COL26A1: variants seen among roughly 807,000 people sequenced by gnomAD.
COL26A1 encodes the protein collagen alpha-1(XXVI) chain.
A neutral mutation model predicts 59.3 loss-of-function variants in COL26A1; 41 were observed. The ratio of observed to expected loss-of-function variants is 0.69; its 90% CI spans 0.54 to 0.90. The LOEUF (loss-of-function observed/expected upper bound fraction) is 0.90, where lower values mean the gene tolerates loss of function less well. Ranked by LOEUF, COL26A1 falls within the 40% of genes least tolerant of loss-of-function variation. COL26A1 has a pLI of 0.00. For synonymous variants in COL26A1, 266 were observed against 256.0 expected, an observed-to-expected ratio of 1.04 and a Z score of -0.37; for missense variants, 612 against 602.3, an observed-to-expected ratio of 1.02 and a Z score of -0.17.
chr7:101,489,898 C>A (rs1456568260), intron 3 of COL26A1, among the ~76,000 whole-genome samples: 1 of 89,544 alleles, frequency 1.1e-5, no homozygotes, highest in Non-Finnish European at 2.1e-5. Flanking sequence ...TTCTTTCTTT[C>A]TTTCTTTCTT....
chr7:101,486,484 G>T (rs73712171), intron 3 of COL26A1, among the ~76,000 whole-genome samples: 14,222 of 152,270 alleles, frequency 0.093, 1,352 homozygotes, highest in African/African-American at 0.24. Context: ...GCAGCTTTGC[G>T]GTGGCGGGAA....
At chr7:101,450,564 C>A (rs972894923) in intron 3 of COL26A1, among the ~76,000 whole-genome samples, 1 of 151,898 alleles carries the variant, frequency 6.6e-6, no homozygotes, top group African/African-American at 2.4e-5. Context: ...ATACCTCCCA[C>A]GAGCCAAGTG....
intron 2 of COL26A1, among the ~76,000 whole-genome samples, chr7:101,426,721 G>A (rs983895267): frequency 6.6e-6 from 1 of 152,170 alleles, no homozygotes; most frequent in African/African-American, 2.4e-5. Flanking sequence ...GTTTGCAGGG[G>A]AAGGTCCTGC....
At chr7:101,385,339 A>ATATATATATATGTGTATATATATGTGTG (rs1358638511) in intron 1 of COL26A1, among the ~76,000 whole-genome samples, 7 of 141,316 alleles carry the variant, frequency 5.0e-5, no homozygotes, top group Non-Finnish European at 9.1e-5. Flanking sequence ...CTAAATATGT[A>ATATATATATATGTGTATATATATGTGTG]TATATATATA....
In COL26A1 at chr7:101,447,668, G is replaced by A. The variant is rs138703474; in HGVS notation, c.282-16G>A. The A allele has an allele frequency of 3.0e-4, 463 of 1,532,672 alleles. No individual in the cohort carries two copies. In the African/African-American group the frequency reaches 5.5e-3, roughly 18 times the overall value. 94.9% of individuals were successfully genotyped at this position (1,532,672 alleles called of 1,614,324 possible). A position where few individuals can be genotyped will look rare whatever the true frequency, so the allele number is the denominator to read the frequency against. On this transcript the variant is annotated splice_polypyrimidine_tract_variant and intron_variant, in intron 2 of 12. Transcript: ENST00000313669. ...GGGTGGGAGCTCATGCCCCCCTGAC[G>A]CTGTCTGTGTGTTAGTTACAGGACT... is the stretch of plus-strand genomic sequence containing the variant.
At chr7:101,384,965 G>A (rs1237581028) in intron 1 of COL26A1, among the ~76,000 whole-genome samples, 1 of 152,108 alleles carries the variant, frequency 6.6e-6, no homozygotes, top group Non-Finnish European at 1.5e-5. Context: ...TCTGATATTT[G>A]AGGGCAGGAA....
intron 1 of COL26A1, among the ~76,000 whole-genome samples, chr7:101,387,949 A>ATT (rs1301629172): frequency 6.7e-6 from 1 of 149,986 alleles, no homozygotes; most frequent in Non-Finnish European, 1.5e-5. Context: ...TTTGTTTCTT[A>ATT]TTAAAGAGGG....
At chr7:101,540,453 G>A (rs1447852107) in intron 5 of COL26A1, among the ~76,000 whole-genome samples, 1 of 150,564 alleles carries the variant, frequency 6.6e-6, no homozygotes. Context: ...CAGGAGAATC[G>A]CTTGAACCCG....
rs188349029 is a variant in COL26A1 at position 101,504,757 on chromosome 7, C to T, written c.386-28325C>T. The stretch of plus-strand genomic sequence containing the variant: ...CAGAGCGATTCAGTGAATTTTCCAC[C>T]GTCACCGGCCATGAAAGGCCAGAGC... On this transcript the variant is annotated intron_variant, in intron 3 of 12. Coordinates refer to ENST00000313669, the MANE Select transcript of COL26A1 (RefSeq NM_001278563.3). 4.0e-3 allele frequency among the ~76,000 whole-genome samples: 616 copies of T among 152,320 alleles called. 6 individuals are homozygous for T. The highest frequency in any genetic ancestry group is 6.8e-3 in the Non-Finnish European group (460 of 68,036).
intron 3 of COL26A1, among the ~76,000 whole-genome samples, chr7:101,509,865 C>T (rs892343656): frequency 6.6e-6 from 1 of 151,784 alleles, no homozygotes; most frequent in Non-Finnish European, 1.5e-5. Flanking sequence ...GTAGCTGGGA[C>T]TACAGGTGTG....
At chr7:101,387,778 A>ATATATTTTTTTTTT (rs773025730) in intron 1 of COL26A1, among the ~76,000 whole-genome samples, 1 of 84,836 alleles carries the variant, frequency 1.2e-5, no homozygotes, top group African/African-American at 5.0e-5. Context: ...ATATATATAT[A>ATATATTTTTTTTTT]TTTTTTTTTA....
intron 3 of COL26A1, among the ~76,000 whole-genome samples, chr7:101,504,537 G>A (rs566443826): frequency 1.3e-5 from 2 of 152,306 alleles, no homozygotes; most frequent in South Asian, 2.1e-4. Flanking sequence ...AGGCACCAGG[G>A]CTTCTGTCTG....
intron 3 of COL26A1, among the ~76,000 whole-genome samples, chr7:101,449,897 G>A (rs1793288499): frequency 1.3e-5 from 2 of 152,036 alleles, no homozygotes; most frequent in South Asian, 4.2e-4. Context: ...GCTGAGGAGG[G>A]AGGATCACTT....
chr7:101,437,508 C>T (rs775631252), intron 2 of COL26A1, among the ~76,000 whole-genome samples: 23 of 151,744 alleles, frequency 1.5e-4, no homozygotes, highest in Non-Finnish European at 2.6e-4. Flanking sequence ...GGAGGGATGG[C>T]CAAGGTATAC....
rs1268606163 is a variant in COL26A1 at position 101,385,250 on chromosome 7, T to TACAC, written c.158+22070_158+22073dup. Among the ~76,000 whole-genome samples the TACAC allele has an allele frequency of 2.5e-3, 376 of 147,750 alleles. 2 individuals are homozygous for TACAC. Among genetic ancestry groups the TACAC allele is most frequent in the African/African-American group, 4.7e-3 (187 of 40,102 alleles). On this transcript the variant is annotated intron_variant, in intron 1 of 12. Coordinates refer to ENST00000313669, the MANE Select transcript of COL26A1 (RefSeq NM_001278563.3). ...CACACACTATATATATATATATATATACACACACACACATATATATGTGTA... is the reference window on the plus strand; with the variant it reads ...CACACACTATATATATATATATATATACACACACACACACACATATATATGTGTA...
chr7:101,405,340 T>C (rs1792104774), intron 1 of COL26A1, among the ~76,000 whole-genome samples: 1 of 136,132 alleles, frequency 7.3e-6, no homozygotes, highest in South Asian at 2.2e-4. Context: ...GGTATCTACA[T>C]TTTTTTTTTT....
chr7:101,422,311 C>CAA (rs112095038), intron 2 of COL26A1, among the ~76,000 whole-genome samples: 227 of 59,140 alleles, frequency 3.8e-3, no homozygotes, highest in East Asian at 0.014. Context: ...AACTCCATCT[C>CAA]AAAAAAAAAA....
chr7:101,510,602 G>A (rs981044999), intron 3 of COL26A1, among the ~76,000 whole-genome samples: 1 of 152,162 alleles, frequency 6.6e-6, no homozygotes, highest in African/African-American at 2.4e-5. Flanking sequence ...CAAATTCCTG[G>A]GCTCCAGTGA....
At chr7:101,422,996 G>T (rs1792560566) in intron 2 of COL26A1, among the ~76,000 whole-genome samples, 1 of 152,154 alleles carries the variant, frequency 6.6e-6, no homozygotes. Flanking sequence ...CGGGCACGGT[G>T]GCTCACGCCT....
Sources: gnomAD v4.1 joint callset for allele counts (sites outside exome capture counted in the v4.1 genomes callset) on GRCh38, gnomAD v4.1.1 for gene constraint, MANE v1.5 for transcripts, NCBI Gene and HGNC (gene_info 2026-07-23, HGNC 2026-07-21) for gene names.